CFAP46: variants seen among roughly 807,000 people sequenced by gnomAD.
CFAP46 encodes the protein cilia and flagella associated protein 46.
A neutral mutation model predicts 325.7 loss-of-function variants in CFAP46; 245 were observed. That is an observed-to-expected ratio of 0.75 (90% CI 0.68 to 0.84). The LOEUF is 0.84. Among genes scored for constraint, CFAP46 ranks in the 40% least tolerant of loss-of-function variants. The pLI, the probability that CFAP46 is intolerant of heterozygous loss-of-function variation, is 0.00. For missense variants in CFAP46, 3,346 were observed against 3,543.0 expected (o/e 0.94, Z 1.41); for synonymous variants, 1,523 against 1,495.9 (o/e 1.02, Z -0.42).
At chr10:132,911,946 T>C (rs1040497611) in intron 19 of CFAP46, among the ~76,000 whole-genome samples, 3 of 152,112 alleles carry the variant, frequency 2.0e-5, no homozygotes, top group Non-Finnish European at 4.4e-5. Flanking sequence ...TCCCAGTAAC[T>C]GGAGCCCCTG....
chr10:132,890,063 A>G (rs1276523291), intron 25 of CFAP46, among the ~76,000 whole-genome samples: 2 of 152,204 alleles, frequency 1.3e-5, no homozygotes, highest in East Asian at 3.8e-4. Flanking sequence ...TGAATTTTTA[A>G]AACGACTTAT....
At chr10:132,926,491 G>T in intron 10 of CFAP46, 77 bp downstream of exon 10, 2 of 1,063,328 alleles carry the variant, frequency 1.9e-6, no homozygotes, top group Non-Finnish European at 2.8e-6. Context: ...CTCAAGCCTG[G>T]GACACACTCA....
rs1040656797 is a variant in CFAP46 at position 132,869,325 on chromosome 10, C to A, written c.4559G>T (p.Arg1520Leu). The A allele has an allele frequency of 1.1e-5, 17 of 1,539,080 alleles. No individual in the cohort carries two copies. The highest frequency in any genetic ancestry group is 1.5e-5 in the Non-Finnish European group (17 of 1,144,782). ...CACCTGCCCGACCGCCTCTTCATGG[C>A]GCGCGGCTGCTTCTCTCAGCTTCAG... is the stretch of plus-strand genomic sequence containing the variant. ...SELKLREAAA[R>L]HEEAVGQVCV... Residue 1520 changes from arginine (R) to leucine (L), a missense_variant, in exon 33 of 58, where the codon CGC becomes CTC. By Grantham distance (102) the Arg-to-Leu change is moderately radical. Coordinates refer to ENST00000368586, the MANE Select transcript of CFAP46 (RefSeq NM_001200049.3). The surrounding 1 kb of genome is among the most constrained non-coding windows in gnomAD (Gnocchi z 6.2).
At chr10:132,824,393 GTGC>G (rs1847984443) in intron 50 of CFAP46, among the ~76,000 whole-genome samples, 2 of 136,850 alleles carry the variant, frequency 1.5e-5, no homozygotes, top group South Asian at 2.4e-4. Context: ...TGTGCTGTGT[GTGC>G]TGATGTGTGT....
chr10:132,911,444 G>A (rs1849539589), intron 19 of CFAP46, among the ~76,000 whole-genome samples: 1 of 152,180 alleles, frequency 6.6e-6, no homozygotes, highest in Non-Finnish European at 1.5e-5. Context: ...CCGCAAGGGT[G>A]GGGACAGCTC....
rs1276099692 is a variant in CFAP46, at chr10:132,869,129, C to T, written c.4610+145G>A. On this transcript the variant is annotated intron_variant, in intron 33 of 57. Coordinates refer to ENST00000368586, the MANE Select transcript of CFAP46 (RefSeq NM_001200049.3). The surrounding 1 kb of genome is among the most constrained non-coding windows in gnomAD (Gnocchi z 6.2). ...CACCTCCAGCACGACCCAGGAGAAC[C>T]GGCCACAGCCGTGTCCCCCAAGTGC... 12 of 579,544 alleles carry T rather than the reference C, an allele frequency of 2.1e-5. No homozygotes were observed. The highest frequency in any genetic ancestry group is 6.7e-5 in the East Asian group (2 of 29,978). 35.9% of individuals were successfully genotyped at this position (579,544 alleles called of 1,614,324 possible). A position where few individuals can be genotyped will look rare whatever the true frequency, so the allele number is the denominator to read the frequency against.
At chr10:132,821,633 C>CT in intron 50 of CFAP46, among the ~76,000 whole-genome samples, 1 of 99,590 alleles carries the variant, frequency 1.0e-5, no homozygotes, top group Non-Finnish European at 1.9e-5. Flanking sequence ...TGTGTGTGTG[C>CT]TGTGTGCTGT....
chr10:132,899,155 A>G lies in CFAP46; in HGVS notation c.3057-34T>C, dbSNP rs1213211448. ...GGGCAGGTCATGACGCGGTGGCTCC[A>G]CCTGGGCCCACCTGGAGCTGCTGGA... is the stretch of plus-strand genomic sequence containing the variant. On this transcript the variant is annotated intron_variant, in intron 23 of 57. Transcript: ENST00000368586. 2.0e-6 allele frequency: 3 copies of G among 1,528,232 alleles called. No individual in the cohort carries two copies. The South Asian group carries it at 3.7e-5, about 19-fold the overall frequency. The allele number at this position is 1,528,232 out of a possible 1,614,324, so 94.7% of individuals were successfully genotyped here.
chr10:132,894,117 G>A (rs190459409), intron 24 of CFAP46, among the ~76,000 whole-genome samples: 10 of 152,242 alleles, frequency 6.6e-5, no homozygotes, highest in South Asian at 2.1e-4. Flanking sequence ...TGGATTTGCC[G>A]CTGGTAATGT....
chr10:132,933,844 G>A (rs1849950831), intron 8 of CFAP46, among the ~76,000 whole-genome samples: 1 of 152,238 alleles, frequency 6.6e-6, no homozygotes, highest in Non-Finnish European at 1.5e-5. Flanking sequence ...GTGAGCTTGG[G>A]GGACCCCTTC....
chr10:132,856,772 T>G (rs1447242623), intron 39 of CFAP46, among the ~76,000 whole-genome samples: 1 of 152,260 alleles, frequency 6.6e-6, no homozygotes, highest in Non-Finnish European at 1.5e-5. Context: ...GATTGATCAA[T>G]TATTCTTCCT....
At chr10:132,909,377 T>A (rs1190410444) in intron 20 of CFAP46, 133 bp from the exon 21 acceptor site, 3 of 663,956 alleles carry the variant, frequency 4.5e-6, no homozygotes, top group Non-Finnish European at 7.9e-6. Flanking sequence ...GTTTATACCT[T>A]AGGCTGTTTT....
Position 132,939,779 on chromosome 10 carries a change from T to C in CFAP46, c.372-1026A>G, listed in dbSNP as rs1850069092. The stretch of plus-strand genomic sequence containing the variant: ...GTGCTGCGTCTCCCTGAGTGCTGCG[T>C]CTCGAAAGGAACCCGTCTCCTCCCT... On this transcript the variant is annotated intron_variant, in intron 4 of 57. Transcript: ENST00000368586. This position sits in a 1 kb window ranked among gnomAD's most constrained non-coding sequence, Gnocchi z 4.6. Among the ~76,000 whole-genome samples the C allele has an allele frequency of 6.6e-6, 1 of 152,120 alleles. No homozygotes were observed. The highest frequency in any genetic ancestry group is 6.5e-5 in the Admixed American group (1 of 15,276).
In CFAP46 at chr10:132,808,480, GCGC is replaced by G; in HGVS notation, c.8086_8088del (p.Ala2696del). On this transcript the variant is annotated inframe_deletion, in exon 58 of 58. Transcript: ENST00000368586. This position sits in a 1 kb window ranked among gnomAD's most constrained non-coding sequence, Gnocchi z 6.8. The stretch of plus-strand genomic sequence containing the variant: ...TTCTGGTCTAAGCAACTCAGCACCA[GCGC>G]CGCCAAGGGGAGGCCGCCCTTGTCC... The G allele has an allele frequency of 6.2e-7, 1 of 1,613,268 alleles. No homozygotes were observed. The highest frequency in any genetic ancestry group is 8.5e-7 in the Non-Finnish European group (1 of 1,180,010).
intron 56 of CFAP46, 91 bp downstream of exon 56, chr10:132,810,859 C>T (rs1847566295): frequency 8.2e-7 from 1 of 1,222,160 alleles, no homozygotes; most frequent in Admixed American, 2.0e-5. Flanking sequence ...AACCCGACCC[C>T]AGGTCCCTCC....
In CFAP46 at chr10:132,827,284, G is replaced by A. The variant is rs573670001; in HGVS notation, c.7117+6074C>T. ...GGCTGACCGTGGCCTGTGATGGACG[G>A]GGCACCCAGTGGGCCAGAATCAGAC... is the stretch of plus-strand genomic sequence containing the variant. On this transcript the variant is annotated intron_variant, in intron 50 of 57. Transcript: ENST00000368586. The surrounding 1 kb of genome is among the most constrained non-coding windows in gnomAD (Gnocchi z 5.7). 2.6e-5 allele frequency among the ~76,000 whole-genome samples: 4 copies of A among 152,246 alleles called. No individual in the cohort carries two copies. Among genetic ancestry groups the A allele is most frequent in the South Asian group, 2.1e-4 (1 of 4,826 alleles).
At chr10:132,923,655 G>C (rs1239288866) in intron 11 of CFAP46, among the ~76,000 whole-genome samples, 1 of 152,214 alleles carries the variant, frequency 6.6e-6, no homozygotes, top group Non-Finnish European at 1.5e-5. Context: ...GATGGCCCCA[G>C]GCTTGAGAAG....
intron 40 of CFAP46, among the ~76,000 whole-genome samples, chr10:132,850,820 C>G (rs1451245034): frequency 2.6e-5 from 4 of 152,132 alleles, no homozygotes; most frequent in Non-Finnish European, 5.9e-5. Flanking sequence ...GCTCTTTAAT[C>G]CACATATGCA....
intron 19 of CFAP46, among the ~76,000 whole-genome samples, chr10:132,912,245 CCTCT>C (rs367817497): frequency 5.5e-5 from 7 of 127,146 alleles, no homozygotes; most frequent in Admixed American, 1.5e-4. Flanking sequence ...TGTCCTCTTT[CCTCT>C]CTCTCTCTTC....
Sources: allele counts gnomAD v4.1 joint callset (sites outside exome capture counted in the v4.1 genomes callset), GRCh38; gene constraint gnomAD v4.1.1; non-coding constraint Gnocchi (gnomAD v3.1); transcripts MANE v1.5; gene names NCBI Gene and HGNC (gene_info 2026-07-23, HGNC 2026-07-21).